The following EPHA3 variants were observed in gnomAD, a reference collection of about 807,000 sequenced individuals.
EPHA3 encodes the protein ephrin type-A receptor 3.
Under a neutral mutation model 107.1 loss-of-function variants are expected in EPHA3, and 42 were observed. That is an observed-to-expected ratio of 0.39 (90% confidence interval 0.31 to 0.51). EPHA3 has a LOEUF of 0.51. Ranked by LOEUF, EPHA3 falls within the 20% of genes least tolerant of loss-of-function variation. The pLI, the probability that EPHA3 is intolerant of heterozygous loss-of-function variation, is 0.78. For synonymous variants in EPHA3, 461 were observed against 424.8 expected, an observed-to-expected ratio of 1.09 and a Z score of -1.05; for missense variants, 1,183 against 1,211.2, an observed-to-expected ratio of 0.98 and a Z score of 0.35.
intron 5 of EPHA3, among the ~76,000 whole-genome samples, chr3:89,370,131 A>G (rs1326812313): frequency 1.3e-5 from 2 of 150,838 alleles, no homozygotes; most frequent in South Asian, 2.1e-4. Flanking sequence ...TAGAAATACC[A>G]TTTGACCCAG....
intron 2 of EPHA3, among the ~76,000 whole-genome samples, chr3:89,203,599 C>T (rs569873079): frequency 6.6e-5 from 10 of 151,010 alleles, no homozygotes; most frequent in Non-Finnish European, 1.5e-4. Context: ...CGGTGAAACC[C>T]CGTCTCTACT....
At chr3:89,231,410 A>G (rs1385137315) in intron 3 of EPHA3, among the ~76,000 whole-genome samples, 2 of 152,196 alleles carry the variant, frequency 1.3e-5, no homozygotes, top group Non-Finnish European at 1.5e-5. Flanking sequence ...AGGTAAAACC[A>G]CTATTTTCTA....
chr3:89,342,852 T>TACAC (rs1424691742), intron 5 of EPHA3, among the ~76,000 whole-genome samples: 6 of 129,872 alleles, frequency 4.6e-5, no homozygotes, highest in South Asian at 2.2e-4. Flanking sequence ...GTCTTATTTT[T>TACAC]ACACATACAC....
At chr3:89,422,045 C>A (rs1709362121) in intron 11 of EPHA3, among the ~76,000 whole-genome samples, 1 of 151,154 alleles carries the variant, frequency 6.6e-6, no homozygotes, top group African/African-American at 2.4e-5. Flanking sequence ...TCCCAGTCAT[C>A]TCATATATTG....
At position 89,269,967 on chromosome 3, in the gene EPHA3, C is replaced by T. The variant is rs190156153; in HGVS notation, c.814+59447C>T. Among the ~76,000 whole-genome samples the T allele has an allele frequency of 6.8e-4, 104 of 151,936 alleles. No homozygotes were observed. In the East Asian group the frequency reaches 0.013, roughly 19 times the overall value. ...ATTTACAGGGTGTGTGGCTTCAAAT[C>T]ACTGGTCTTTCAGGGTCTGAGTTGG... On this transcript the variant is annotated intron_variant, in intron 3 of 16. Coordinates refer to ENST00000336596, the MANE Select transcript of EPHA3 (RefSeq NM_005233.6).
At chr3:89,345,292 T>C (rs1184712254) in intron 5 of EPHA3, among the ~76,000 whole-genome samples, 7 of 151,292 alleles carry the variant, frequency 4.6e-5, no homozygotes, top group African/African-American at 1.7e-4. Flanking sequence ...TGAGAAGCTT[T>C]TTCAACATTT....
intron 5 of EPHA3, among the ~76,000 whole-genome samples, chr3:89,392,843 TTG>T (rs1708772777): frequency 6.6e-6 from 1 of 152,002 alleles, no homozygotes; most frequent in Non-Finnish European, 1.5e-5. Flanking sequence ...ATATTCTAAA[TTG>T]TGTCACAGCA....
intron 13 of EPHA3, among the ~76,000 whole-genome samples, chr3:89,448,338 AG>A (rs1709919720): frequency 6.6e-6 from 1 of 152,178 alleles, no homozygotes; most frequent in African/African-American, 2.4e-5. Flanking sequence ...TTCTGTATCT[AG>A]TTTTTCAGAG....
Position 89,431,295 on chromosome 3 carries a change from A to G in EPHA3, c.2282A>G (p.Lys761Arg). Residue 761 changes from lysine (K) to arginine (R), a missense_variant, in exon 13 of 17, where the codon AAG becomes AGG. Lys to Arg is a conservative substitution (Grantham distance 26). Coordinates refer to ENST00000336596, the MANE Select transcript of EPHA3 (RefSeq NM_005233.6). ...TTGATCAACAGTAACTTGGTGTGTA[A>G]GGTTTCTGATTTCGGACTTTCGCGT... Reference protein sequence around the residue: ...NILINSNLVCKVSDFGLSRVL... With the variant: ...NILINSNLVCRVSDFGLSRVL... 1 of 1,613,382 alleles carries G rather than the reference A, an allele frequency of 6.2e-7. No homozygotes were observed. The highest frequency in any genetic ancestry group is 8.5e-7 in the Non-Finnish European group (1 of 1,179,874).
chr3:89,304,941 G>A (rs1480148114), intron 3 of EPHA3, among the ~76,000 whole-genome samples: 1 of 152,108 alleles, frequency 6.6e-6, no homozygotes, highest in Non-Finnish European at 1.5e-5. Context: ...TTCCAGAGGT[G>A]TCATTAGGTT....
chr3:89,359,780 T>TACATATATACACATATAC (rs1559663657), intron 5 of EPHA3, among the ~76,000 whole-genome samples: 1 of 142,968 alleles, frequency 7.0e-6, no homozygotes, highest in African/African-American at 2.6e-5. Flanking sequence ...CACATATATA[T>TACATATATACACATATAC]ACATATATAT....
chr3:89,348,004 G>A (rs1467009074), intron 5 of EPHA3, among the ~76,000 whole-genome samples: 1 of 150,560 alleles, frequency 6.6e-6, no homozygotes, highest in African/African-American at 2.4e-5. Context: ...ATGTGCTGCT[G>A]GATTCGATTT....
chr3:89,415,356 A>T (rs947245435), intron 10 of EPHA3, among the ~76,000 whole-genome samples: 32 of 150,158 alleles, frequency 2.1e-4, no homozygotes, highest in African/African-American at 7.8e-4. Flanking sequence ...TATGTTATTT[A>T]TAAAAATTTA....
At chr3:89,432,552 G>C (rs771569141) in intron 13 of EPHA3, among the ~76,000 whole-genome samples, 8 of 151,814 alleles carry the variant, frequency 5.3e-5, no homozygotes, top group Non-Finnish European at 1.2e-4. Context: ...TTACAGGCAT[G>C]GACCACCAGC....
chr3:89,187,253 GTAAT>G (rs1705588799), intron 2 of EPHA3, among the ~76,000 whole-genome samples: 1 of 149,424 alleles, frequency 6.7e-6, no homozygotes, highest in Non-Finnish European at 1.5e-5. Context: ...ATATTAATAA[GTAAT>G]TAATATTTAT....
intron 15 of EPHA3, among the ~76,000 whole-genome samples, chr3:89,455,065 T>A (rs1710070048): frequency 6.6e-6 from 1 of 152,216 alleles, no homozygotes; most frequent in Non-Finnish European, 1.5e-5. Context: ...ATTATCTTAT[T>A]CAAATAAATT....
intron 2 of EPHA3, among the ~76,000 whole-genome samples, chr3:89,181,245 G>T (rs1295121898): frequency 6.6e-6 from 1 of 151,812 alleles, no homozygotes; most frequent in Non-Finnish European, 1.5e-5. Flanking sequence ...ATTGTAATAG[G>T]CATGTTGAAG....
intron 3 of EPHA3, among the ~76,000 whole-genome samples, chr3:89,316,477 ATGTGTGTGTG>A (rs59376338): frequency 7.6e-6 from 1 of 130,758 alleles, no homozygotes; most frequent in African/African-American, 2.9e-5. Context: ...CTGTATATAT[ATGTGTGTGTG>A]TGTGTGTGTG....
chr3:89,394,958 AG>A (rs1176116421), intron 5 of EPHA3, among the ~76,000 whole-genome samples: 2 of 152,210 alleles, frequency 1.3e-5, no homozygotes, highest in Non-Finnish European at 2.9e-5. Flanking sequence ...CTTTGATGAT[AG>A]TATGCATTTT....
Sources: gnomAD v4.1 joint callset for allele counts (sites outside exome capture counted in the v4.1 genomes callset) on GRCh38, gnomAD v4.1.1 for gene constraint, MANE v1.5 for transcripts, NCBI Gene and HGNC (gene_info 2026-07-23, HGNC 2026-07-21) for gene names.